NDUFS1: variants seen among roughly 807,000 people sequenced by gnomAD.
NDUFS1 encodes the protein NADH-ubiquinone oxidoreductase 75 kDa subunit, mitochondrial.
NDUFS1 carries 61 observed loss-of-function variants against 84.4 expected under a neutral mutation model. The ratio of observed to expected loss-of-function variants is 0.72; its 90% CI spans 0.59 to 0.89. The LOEUF (loss-of-function observed/expected upper bound fraction) is 0.89, where lower values mean the gene tolerates loss of function less well. NDUFS1 is among the 40% of genes least tolerant of loss of function. The pLI, the probability that NDUFS1 is intolerant of heterozygous loss-of-function variation, is 0.00. For missense variants in NDUFS1, 891 were observed against 890.0 expected (o/e 1.00, Z -0.01); for synonymous variants, 275 against 290.0 (o/e 0.95, Z 0.53).
rs543397958 is a variant in NDUFS1, at chr2:206,153,491, C to T, written c.61+127G>A. ...GATTACAGGCATGAGCCACCACACC[C>T]GGCCGGTTTCTATTTTTATTTTAAA... On this transcript the variant is annotated intron_variant, in intron 2 of 18. Transcript: ENST00000233190. 1.8e-4 allele frequency: 112 copies of T among 636,984 alleles called. No individual in the cohort carries two copies. The highest frequency in any genetic ancestry group is 1.7e-3 in the South Asian group (98 of 56,564). 39.5% of individuals were successfully genotyped at this position (636,984 alleles called of 1,614,324 possible).
At chr2:206,149,672 T>C (rs1458526874) in intron 4 of NDUFS1, 146 bp downstream of exon 4, 1 of 666,092 alleles carries the variant, frequency 1.5e-6, no homozygotes, top group Non-Finnish European at 2.7e-6. Flanking sequence ...ATGAAGAGAA[T>C]CAATTGTACA....
chr2:206,130,342 A>G (rs1691462552), intron 14 of NDUFS1, 100 bp from the exon 15 acceptor site: 2 of 1,411,044 alleles, frequency 1.4e-6, no homozygotes, highest in Admixed American at 4.0e-5. Flanking sequence ...ATGTCAAAAA[A>G]CCCATTTTAT....
At position 206,120,137 on chromosome 2, in the gene NDUFS1, A is replaced by G. The variant is rs909345416; in HGVS notation, c.*4048T>C. 1 of 152,362 alleles carries G rather than the reference A, an allele frequency of 6.6e-6. No individual in the cohort carries two copies. Among genetic ancestry groups the G allele is most frequent in the African/African-American group, 2.4e-5 (1 of 41,448 alleles). 9.4% of individuals were successfully genotyped at this position (152,362 alleles called of 1,614,324 possible). A position where few individuals can be genotyped will look rare whatever the true frequency, so the allele number is the denominator to read the frequency against. ...GTAAGCTTCCTGAGGCCCTCATCAG[A>G]AGCAGCTGCTGGTGCCATGCTTTGT... is the stretch of plus-strand genomic sequence containing the variant. On this transcript the variant is annotated 3_prime_UTR_variant, in exon 19 of 19. Transcript: ENST00000233190.
chr2:206,128,479 T>C (rs1201363178), intron 15 of NDUFS1, among the ~76,000 whole-genome samples: 7 of 151,062 alleles, frequency 4.6e-5, no homozygotes, highest in African/African-American at 7.3e-5. Flanking sequence ...AAGAAAATTA[T>C]TGTTAAAGCA....
rs1010181269 is a variant in NDUFS1, at chr2:206,120,837, T to TG, written c.*3347dup. 2 of 152,258 alleles carry TG rather than the reference T, an allele frequency of 1.3e-5. No individual in the cohort carries two copies. Among genetic ancestry groups the TG allele is most frequent in the African/African-American group, 2.4e-5 (1 of 41,464 alleles). 9.4% of individuals were successfully genotyped at this position (152,258 alleles called of 1,614,324 possible). ...CAGGCTGCAGGAATACAGTTGTCCA[T>TG]GCTGGACTCAACTCATTTGCTCAAG... is the stretch of plus-strand genomic sequence containing the variant. On this transcript the variant is annotated 3_prime_UTR_variant, in exon 19 of 19. Transcript: ENST00000233190.
intron 15 of NDUFS1, 77 bp from the exon 16 acceptor site, chr2:206,128,049 T>A (rs969123309): frequency 1.4e-6 from 2 of 1,437,860 alleles, no homozygotes; most frequent in Non-Finnish European, 1.9e-6. Context: ...ATAGTATATA[T>A]CATTTTAAAT....
Position 206,119,609 on chromosome 2 carries a change from C to T in NDUFS1, c.*4576G>A, listed in dbSNP as rs1163581828. 1 of 152,056 alleles carries T rather than the reference C, an allele frequency of 6.6e-6. No homozygotes were observed. Among genetic ancestry groups the T allele is most frequent in the African/African-American group, 2.4e-5 (1 of 41,402 alleles). 9.4% of individuals were successfully genotyped at this position (152,056 alleles called of 1,614,324 possible). A position where few individuals can be genotyped will look rare whatever the true frequency, so the allele number is the denominator to read the frequency against. On this transcript the variant is annotated 3_prime_UTR_variant, in exon 19 of 19. Coordinates refer to ENST00000233190, the MANE Select transcript of NDUFS1 (RefSeq NM_005006.7). ...TGTATTTTTAGTAGAGACAGAGTTT[C>T]ACCATGTCGGACAGGCTGGTCTCGA... is the stretch of plus-strand genomic sequence containing the variant.
intron 12 of NDUFS1, among the ~76,000 whole-genome samples, chr2:206,140,151 C>G (rs1323241594): frequency 6.6e-6 from 1 of 152,086 alleles, no homozygotes; most frequent in Admixed American, 6.6e-5. Flanking sequence ...TCAAGACCAG[C>G]CTGGGCAACA....
chr2:206,128,462 G>A (rs536790349), intron 15 of NDUFS1, among the ~76,000 whole-genome samples: 5 of 150,624 alleles, frequency 3.3e-5, no homozygotes, highest in African/African-American at 7.3e-5. Flanking sequence ...CACCGCGCCC[G>A]GCCCCAAAGA....
intron 10 of NDUFS1, among the ~76,000 whole-genome samples, chr2:206,143,442 A>C (rs193289914): frequency 6.6e-6 from 1 of 152,062 alleles, no homozygotes; most frequent in African/African-American, 2.4e-5. Context: ...CTTAAATGCG[A>C]CCTCCTCTGA....
intron 3 of NDUFS1, among the ~76,000 whole-genome samples, chr2:206,150,779 C>T (rs987026097): frequency 6.6e-6 from 1 of 152,200 alleles, no homozygotes; most frequent in Admixed American, 6.5e-5. Context: ...AGCTTAAATT[C>T]AAATGATTTC....
intron 14 of NDUFS1, among the ~76,000 whole-genome samples, chr2:206,131,130 T>A (rs547944985): frequency 6.6e-6 from 1 of 152,182 alleles, no homozygotes; most frequent in African/African-American, 2.4e-5. Context: ...CTAGAAATAG[T>A]AGCCATTCTG....
At chr2:206,146,456 G>T (rs187188223) in intron 8 of NDUFS1, among the ~76,000 whole-genome samples, 2 of 152,188 alleles carry the variant, frequency 1.3e-5, no homozygotes, top group African/African-American at 4.8e-5. Context: ...CCATTTCTTG[G>T]TTTAATCAGG....
intron 12 of NDUFS1, 106 bp from the exon 13 acceptor site, chr2:206,138,720 C>T: frequency 8.3e-7 from 1 of 1,204,172 alleles, no homozygotes; most frequent in Non-Finnish European, 1.2e-6. Flanking sequence ...ATGTTAAAAG[C>T]ACAGACAATA....
chr2:206,157,277 T>C (rs1052625374), intron 1 of NDUFS1, among the ~76,000 whole-genome samples: 28 of 152,232 alleles, frequency 1.8e-4, no homozygotes, highest in Admixed American at 5.9e-4. Flanking sequence ...GCACTCTTTC[T>C]TTGAGCTCTT....
chr2:206,135,192 T>C (rs2105955926), intron 13 of NDUFS1, among the ~76,000 whole-genome samples: 1 of 151,548 alleles, frequency 6.6e-6, no homozygotes, highest in African/African-American at 2.4e-5. Flanking sequence ...CAAATTGGGG[T>C]TTTTTTGTAT....
intron 4 of NDUFS1, 84 bp from the exon 5 acceptor site, chr2:206,149,180 T>G: frequency 1.0e-6 from 1 of 983,240 alleles, no homozygotes; most frequent in South Asian, 1.5e-5. Flanking sequence ...TGTTAAATTA[T>G]ATAAAAACAT....
At chr2:206,151,888 CAG>C (rs1177918251) in intron 3 of NDUFS1, among the ~76,000 whole-genome samples, 2 of 151,862 alleles carry the variant, frequency 1.3e-5, no homozygotes, top group Admixed American at 6.6e-5. Flanking sequence ...TTTTTTGAGA[CAG>C]AGTCTTGCTC....
At chr2:206,147,902 T>C in intron 5 of NDUFS1, 68 bp from the exon 6 acceptor site, 1 of 1,372,322 alleles carries the variant, frequency 7.3e-7, no homozygotes, top group Admixed American at 1.7e-5. Context: ...CTGCTGGCAC[T>C]CAAAATGACC....
Sources: allele counts gnomAD v4.1 joint callset (sites outside exome capture counted in the v4.1 genomes callset), GRCh38; gene constraint gnomAD v4.1.1; transcripts MANE v1.5; gene names NCBI Gene and HGNC (gene_info 2026-07-23, HGNC 2026-07-21).